SIRT1: variants seen among roughly 807,000 people sequenced by gnomAD.
SIRT1 encodes the protein sirtuin 1, also known as NAD-dependent protein deacetylase sirtuin-1.
SIRT1 carries 24 observed loss-of-function variants against 67.9 expected under a neutral mutation model. The ratio of observed to expected loss-of-function variants is 0.35; its 90% CI spans 0.26 to 0.50. The LOEUF (loss-of-function observed/expected upper bound fraction) is 0.50. SIRT1 is among the 20% of genes least tolerant of loss of function. The probability of loss-of-function intolerance (pLI) is 0.98; values close to 1 mark genes in which losing one functional copy is unlikely to be tolerated. For synonymous variants in SIRT1, 378 were observed against 350.7 expected, an observed-to-expected ratio of 1.08 and a Z score of -0.87; for missense variants, 873 against 937.2, an observed-to-expected ratio of 0.93 and a Z score of 0.89.
In SIRT1 at chr10:67,889,007, A is replaced by G. The variant is rs559057403; in HGVS notation, c.673A>G (p.Ile225Val). Residue 225 changes from isoleucine (I) to valine (V), a missense_variant, in exon 3 of 9, where the codon ATT becomes GTT. This residue lies in a region of SIRT1 where 251 missense variants were observed against 358.8 expected (regional missense o/e 0.70). Transcript: ENST00000212015. ...TGATATGACACTGTGGCAGATTGTT[A>G]TTAATATCCTTTCAGAACCACCAAA... ...LDDMTLWQIV[I>V]NILSEPPKRK... 2.5e-6 allele frequency: 4 copies of G among 1,613,944 alleles called. No individual in the cohort carries two copies. The East Asian group carries it at 6.7e-5, about 27-fold the overall frequency.
intron 7 of SIRT1, among the ~76,000 whole-genome samples, 175 bp from the exon 8 acceptor site, chr10:67,912,299 C>T (rs192023743): frequency 1.2e-3 from 177 of 152,180 alleles, no homozygotes; most frequent in African/African-American, 4.1e-3. Flanking sequence ...CACTTAACTG[C>T]CCATCTGCTT....
At position 67,914,239 on chromosome 10, in the gene SIRT1, T is replaced by A. The variant is rs537124975; in HGVS notation, c.1915+1208T>A. Among the ~76,000 whole-genome samples, 17 of 151,880 alleles carry A rather than the reference T, an allele frequency of 1.1e-4. 1 individual carries two copies. The highest frequency in any genetic ancestry group is 3.1e-4 in the African/African-American group (13 of 41,454). On this transcript the variant is annotated intron_variant, in intron 8 of 8. Transcript: ENST00000212015. ...GGCATGCGCCACCTTGCTCGGCTGA[T>A]TCTTGTATTTTTAGTAGAGACGGGG...
chr10:67,894,867 G>A (rs1270337122), intron 4 of SIRT1, among the ~76,000 whole-genome samples: 1 of 151,996 alleles, frequency 6.6e-6, no homozygotes, highest in Non-Finnish European at 1.5e-5. Context: ...GTGCCATCAC[G>A]ATCAGCACTT....
intron 8 of SIRT1, among the ~76,000 whole-genome samples, chr10:67,914,261 G>A (rs959602080): frequency 6.6e-6 from 1 of 151,784 alleles, no homozygotes; most frequent in African/African-American, 2.4e-5. Context: ...TAGTAGAGAC[G>A]GGGTTTCGCC....
At position 67,912,710 on chromosome 10, in the gene SIRT1, C is replaced by G; in HGVS notation, c.1594C>G (p.Leu532Val). The G allele has an allele frequency of 6.2e-7, 1 of 1,614,154 alleles. No individual in the cohort carries two copies. The highest frequency in any genetic ancestry group is 1.1e-5 in the South Asian group (1 of 91,080). ...TTTGTCAGAGTTGCCACCCACACCT[C>G]TTCATGTTTCAGAAGACTCAAGTTC... ...AYLSELPPTPLHVSEDSSSPE... is the reference protein window; with the variant it reads ...AYLSELPPTPVHVSEDSSSPE... The change falls in exon 8 of 9, where the codon CTT becomes GTT. Residue 532 changes from leucine (L) to valine (V), a missense_variant. By Grantham distance (32) the Leu-to-Val change is conservative. This residue lies in a region of SIRT1 where 295 missense variants were observed against 294.5 expected (regional missense o/e 1.00). Transcript: ENST00000212015.
chr10:67,896,409 G>A (rs1312629327), intron 4 of SIRT1, among the ~76,000 whole-genome samples: 1 of 152,202 alleles, frequency 6.6e-6, no homozygotes, highest in Non-Finnish European at 1.5e-5. Flanking sequence ...CTTACAGAGT[G>A]TCGGGATTGT....
At chr10:67,889,643 C>T (rs1182816160) in intron 3 of SIRT1, among the ~76,000 whole-genome samples, 1 of 152,216 alleles carries the variant, frequency 6.6e-6, no homozygotes, top group Non-Finnish European at 1.5e-5. Flanking sequence ...TTACCTAAGA[C>T]TATTGCATAG....
chr10:67,909,448 T>C lies in SIRT1; in HGVS notation c.1357+6T>C. ...ACCAGTAGCACTAATTCCAAGTAAG[T>C]TGGTGATGGTTTTTGGAGAACATTT... On this transcript the variant is annotated splice_donor_region_variant and intron_variant, in intron 7 of 8. Transcript: ENST00000212015. 5 of 1,597,204 alleles carry C rather than the reference T, an allele frequency of 3.1e-6. No individual in the cohort carries two copies. Among genetic ancestry groups the C allele is most frequent in the South Asian group, 1.1e-5 (1 of 87,974 alleles).
At chr10:67,900,042 C>T (rs1842717485) in intron 4 of SIRT1, among the ~76,000 whole-genome samples, 1 of 152,082 alleles carries the variant, frequency 6.6e-6, no homozygotes, top group African/African-American at 2.4e-5. Context: ...CAATAATATG[C>T]TGCTGTACTC....
intron 4 of SIRT1, among the ~76,000 whole-genome samples, chr10:67,896,311 C>CT (rs1842657379): frequency 1.3e-5 from 2 of 152,074 alleles, no homozygotes; most frequent in African/African-American, 4.8e-5. Flanking sequence ...GTGTTTTTGA[C>CT]TTTCTTTTTT....
intron 8 of SIRT1, among the ~76,000 whole-genome samples, chr10:67,914,517 G>A (rs995017139): frequency 3.3e-5 from 5 of 152,154 alleles, no homozygotes; most frequent in African/African-American, 4.8e-5. Flanking sequence ...TTTGCAAATC[G>A]TGGCAGAAGT....
Position 67,884,764 on chromosome 10 carries a change from C to T in SIRT1, c.43C>T (p.Pro15Ser). ...AALALQPGGS[P>S]SAAGADREAA... ...CCTCGCCCTTCAGCCCGGCGGCTCC[C>T]CCTCGGCGGCGGGGGCCGACAGGGA... Residue 15 changes from proline to serine, a missense_variant, in exon 1 of 9, where the codon CCC becomes TCC. By Grantham distance (74) the Pro-to-Ser change is moderately conservative (BLOSUM62 -1). Coordinates refer to ENST00000212015, the MANE Select transcript of SIRT1 (RefSeq NM_012238.5). 4.1e-6 allele frequency: 5 copies of T among 1,228,394 alleles called. No individual in the cohort carries two copies. The South Asian group carries it at 1.2e-4, about 30-fold the overall frequency. The allele number at this position is 1,228,394 out of a possible 1,614,324, so 76.1% of individuals were successfully genotyped here. A position where few individuals can be genotyped will look rare whatever the true frequency, so the allele number is the denominator to read the frequency against.
chr10:67,884,992 G>A lies in SIRT1; in HGVS notation c.271G>A (p.Glu91Lys), dbSNP rs1455404263. Reference protein sequence around the residue: ...AEAAAAGGEQEAQATAAAGEG... With the variant: ...AEAAAAGGEQKAQATAAAGEG... ...GGCGGCGGCGGCAGGCGGGGAGCAA[G>A]AGGCCCAGGCGACTGCGGCGGCTGG... The change falls in exon 1 of 9, where the codon GAG becomes AAG. Residue 91 changes from glutamate to lysine, a missense_variant. By Grantham distance (56) the Glu-to-Lys change is moderately conservative. Coordinates refer to ENST00000212015, the MANE Select transcript of SIRT1 (RefSeq NM_012238.5). The A allele has an allele frequency of 2.3e-6, 3 of 1,277,434 alleles. No homozygotes were observed. Among genetic ancestry groups the A allele is most frequent in the South Asian group, 3.1e-5 (1 of 32,032 alleles). The allele number at this position is 1,277,434 out of a possible 1,614,324, so 79.1% of individuals were successfully genotyped here.
At chr10:67,909,163 A>T in intron 6 of SIRT1, 93 bp from the exon 7 acceptor site, 1 of 785,094 alleles carries the variant, frequency 1.3e-6, no homozygotes. Flanking sequence ...AATAATTCTG[A>T]AATGTATTCT....
intron 4 of SIRT1, among the ~76,000 whole-genome samples, chr10:67,896,717 G>A (rs1172046513): frequency 1.4e-5 from 2 of 142,460 alleles, no homozygotes; most frequent in African/African-American, 5.4e-5. Context: ...AGCTGAGATC[G>A]CGCTGCTGTA....
intron 1 of SIRT1, 62 bp downstream of exon 1, chr10:67,885,213 T>C (rs1442324587): frequency 7.8e-7 from 1 of 1,274,380 alleles, no homozygotes. Context: ...GGGCTCCTAC[T>C]GGCCTGAGGT....
intron 4 of SIRT1, among the ~76,000 whole-genome samples, chr10:67,892,045 C>T (rs1842582081): frequency 6.6e-6 from 1 of 152,040 alleles, no homozygotes; most frequent in Non-Finnish European, 1.5e-5. Flanking sequence ...TAGAGTTGCA[C>T]CGTCCAGTTC....
intron 7 of SIRT1, among the ~76,000 whole-genome samples, chr10:67,909,801 C>G (rs1455845328): frequency 6.6e-6 from 1 of 152,028 alleles, no homozygotes. Flanking sequence ...TCTCGAACTC[C>G]TCAGCTCAGG....
chr10:67,905,242 T>A (rs1402466426), intron 4 of SIRT1, among the ~76,000 whole-genome samples: 2 of 152,226 alleles, frequency 1.3e-5, no homozygotes, highest in South Asian at 2.1e-4. Context: ...CAAATGTAAA[T>A]GTACTAGAAC....
Sources: allele counts gnomAD v4.1 joint callset (sites outside exome capture counted in the v4.1 genomes callset), GRCh38; gene constraint gnomAD v4.1.1; regional missense constraint gnomAD v4.1.1; transcripts MANE v1.5; gene names NCBI Gene and HGNC (gene_info 2026-07-23, HGNC 2026-07-21).